MAMDC2: variants seen among roughly 807,000 people sequenced by gnomAD.
The protein encoded by MAMDC2 is MAM domain containing 2.
Under a neutral mutation model 89.8 loss-of-function variants are expected in MAMDC2, and 57 were observed. That is an observed-to-expected ratio of 0.63 (90% confidence interval 0.51 to 0.79). The LOEUF (loss-of-function observed/expected upper bound fraction) is 0.79, where lower values mean the gene tolerates loss of function less well. Among genes scored for constraint, MAMDC2 ranks in the 30% least tolerant of loss-of-function variants. The pLI, the probability that MAMDC2 is intolerant of heterozygous loss-of-function variation, is 0.00. For missense variants in MAMDC2, 800 were observed against 820.6 expected (o/e 0.97, Z 0.31); for synonymous variants, 313 against 293.4 (o/e 1.07, Z -0.68).
intron 11 of MAMDC2, among the ~76,000 whole-genome samples, chr9:70,197,385 A>G (rs1285907363): frequency 6.6e-6 from 1 of 152,134 alleles, no homozygotes; most frequent in Non-Finnish European, 1.5e-5. Flanking sequence ...TTGGTGGAGG[A>G]TTTGCCAACA....
chr9:70,193,569 G>A (rs750894090), intron 11 of MAMDC2, among the ~76,000 whole-genome samples: 27 of 151,780 alleles, frequency 1.8e-4, no homozygotes, highest in Middle Eastern at 3.4e-3. Flanking sequence ...CTCATTTATT[G>A]CATTTAGTCC....
At chr9:70,205,223 A>C (rs2033200193) in intron 11 of MAMDC2, among the ~76,000 whole-genome samples, 1 of 152,224 alleles carries the variant, frequency 6.6e-6, no homozygotes, top group Non-Finnish European at 1.5e-5. Context: ...ATTCAGTGGC[A>C]CTGAGTCTAT....
intron 11 of MAMDC2, among the ~76,000 whole-genome samples, chr9:70,179,620 T>TAAA (rs1334407461): frequency 1.6e-5 from 2 of 126,240 alleles, no homozygotes; most frequent in African/African-American, 6.1e-5. Context: ...TTTCTACAAA[T>TAAA]GAAAAAAAAA....
chr9:70,140,091 G>A, intron 7 of MAMDC2, 54 bp from the exon 8 acceptor site: 2 of 1,494,504 alleles, frequency 1.3e-6, no homozygotes, highest in South Asian at 1.5e-5. Context: ...ACCAGTTGAT[G>A]TAGTCCTTTG....
chr9:70,080,011 C>T (rs1171310927), intron 2 of MAMDC2, among the ~76,000 whole-genome samples: 3 of 152,176 alleles, frequency 2.0e-5, no homozygotes, highest in Non-Finnish European at 4.4e-5. Flanking sequence ...TATGTTGAAA[C>T]ACTTTAAATG....
chr9:70,206,581 C>T (rs1301567333), intron 11 of MAMDC2, among the ~76,000 whole-genome samples: 2 of 152,124 alleles, frequency 1.3e-5, no homozygotes, highest in African/African-American at 4.8e-5. Context: ...CACAATTATA[C>T]AACAAGCAAC....
chr9:70,216,121 G>T (rs1290625419), intron 11 of MAMDC2, among the ~76,000 whole-genome samples: 1 of 151,868 alleles, frequency 6.6e-6, no homozygotes, highest in Non-Finnish European at 1.5e-5. Context: ...CCCTTGATTT[G>T]GTCACCAATT....
Position 70,054,953 on chromosome 9 carries a change from C to T in MAMDC2, c.148+10256C>T, listed in dbSNP as rs189630444. The stretch of plus-strand genomic sequence containing the variant: ...CAAGGCCAGGCATAGTAGCTCATCC[C>T]TGTAATCCCAGCATTTTGGGAGGCT... On this transcript the variant is annotated intron_variant, in intron 2 of 13. Coordinates refer to ENST00000377182, the MANE Select transcript of MAMDC2 (RefSeq NM_153267.5). Among the ~76,000 whole-genome samples, 121 of 152,240 alleles carry T rather than the reference C, an allele frequency of 7.9e-4. 1 individual carries two copies. Among genetic ancestry groups the T allele is most frequent in the African/African-American group, 2.9e-3 (119 of 41,530 alleles).
chr9:70,177,940 A>C (rs1222430575), intron 11 of MAMDC2, among the ~76,000 whole-genome samples: 1 of 152,232 alleles, frequency 6.6e-6, no homozygotes, highest in Non-Finnish European at 1.5e-5. Context: ...CATTCCTAGA[A>C]ATTGATCCAG....
intron 11 of MAMDC2, chr9:70,216,285 C>T (rs2033443989): frequency 6.6e-6 from 1 of 152,186 alleles, no homozygotes; most frequent in Non-Finnish European, 1.5e-5. Flanking sequence ...CAGAAACTTA[C>T]CTCTCACAGT....
chr9:70,110,007 C>T (rs775741234), intron 4 of MAMDC2, among the ~76,000 whole-genome samples: 1 of 152,106 alleles, frequency 6.6e-6, no homozygotes, highest in Non-Finnish European at 1.5e-5. Flanking sequence ...TTAGAATCTG[C>T]CTGTACAGTC....
At chr9:70,120,015 A>T (rs1199648157) in intron 5 of MAMDC2, among the ~76,000 whole-genome samples, 3 of 152,118 alleles carry the variant, frequency 2.0e-5, no homozygotes, top group African/African-American at 7.2e-5. Flanking sequence ...TAGCTCATAT[A>T]AGTCACGGTA....
chr9:70,103,534 T>C (rs1439762935), intron 2 of MAMDC2, among the ~76,000 whole-genome samples: 1 of 151,508 alleles, frequency 6.6e-6, no homozygotes, highest in African/African-American at 2.4e-5. Context: ...AATAAAACTC[T>C]GAGAAAAAAA....
chr9:70,080,612 CCG>C (rs1827631715), intron 2 of MAMDC2, among the ~76,000 whole-genome samples: 4 of 152,242 alleles, frequency 2.6e-5, no homozygotes, highest in African/African-American at 4.8e-5. Context: ...GTTGGTTGGG[CCG>C]TGTGTGTATT....
intron 2 of MAMDC2, among the ~76,000 whole-genome samples, chr9:70,076,613 C>T (rs1018379435): frequency 1.3e-5 from 2 of 152,166 alleles, no homozygotes; most frequent in African/African-American, 4.8e-5. Context: ...AACATGCTGC[C>T]TCAGTCCTAG....
At chr9:70,082,929 C>A (rs1827685292) in intron 2 of MAMDC2, 1 of 151,880 alleles carries the variant, frequency 6.6e-6, no homozygotes, top group African/African-American at 2.4e-5. Context: ...TAATAAATGC[C>A]TCTCCCCCAC....
At chr9:70,149,664 G>C (rs545425324) in intron 9 of MAMDC2, among the ~76,000 whole-genome samples, 1 of 152,330 alleles carries the variant, frequency 6.6e-6, no homozygotes, top group African/African-American at 2.4e-5. Flanking sequence ...TGAAGGATCA[G>C]TTGGGCGGTG....
At position 70,130,039 on chromosome 9, in the gene MAMDC2, T is replaced by C. The variant is rs892879054; in HGVS notation, c.901-1480T>C. Among the ~76,000 whole-genome samples the C allele has an allele frequency of 1.5e-3, 231 of 151,604 alleles. 4 individuals are homozygous for C. The highest frequency in any genetic ancestry group is 0.015 in the Admixed American group (226 of 15,202). ...GTGTGTGTGTGTGTGTGTGTGTGTG[T>C]GTGTGTGAGAGTGTCTGCATCCAAA... On this transcript the variant is annotated intron_variant, in intron 6 of 13. Coordinates refer to ENST00000377182, the MANE Select transcript of MAMDC2 (RefSeq NM_153267.5).
intron 3 of MAMDC2, chr9:70,109,409 T>C (rs1414021667): frequency 6.5e-6 from 2 of 307,964 alleles, no homozygotes; most frequent in East Asian, 5.7e-5. Flanking sequence ...CCACAAGCAC[T>C]GAAGGTGGTG....
Sources: gnomAD v4.1 joint callset for allele counts (sites outside exome capture counted in the v4.1 genomes callset) on GRCh38, gnomAD v4.1.1 for gene constraint, MANE v1.5 for transcripts, NCBI Gene and HGNC (gene_info 2026-07-23, HGNC 2026-07-21) for gene names.